Variants in MPP4 observed in about 807,000 individuals in gnomAD.
The protein encoded by MPP4 is MAGUK p55 subfamily member 4.
In MPP4, 91 loss-of-function variants were observed where a neutral mutation model predicts 98.3. That is an observed-to-expected ratio of 0.93 (90% CI 0.78 to 1.10). MPP4 has a LOEUF of 1.10. Ranked by LOEUF, MPP4 falls within the 50% of genes least tolerant of loss-of-function variation. MPP4 has a pLI of 0.00. For synonymous variants in MPP4, 261 were observed against 271.8 expected (o/e 0.96, Z 0.39); for missense variants, 744 against 792.9 (o/e 0.94, Z 0.74).
Position 201,694,072 on chromosome 2 carries a change from T to C in MPP4, c.-100-18A>G, listed in dbSNP as rs1689110100. ...TCAGCACACTGGAATATATTTTCAA[T>C]AGCATTTCCTCAGCAAGCCAGGCCC... On this transcript the variant is annotated intron_variant, in intron 1 of 21. Transcript: ENST00000409474. 3.1e-6 allele frequency: 5 copies of C among 1,594,704 alleles called. No individual in the cohort carries two copies. The highest frequency in any genetic ancestry group is 1.7e-5 in the Admixed American group (1 of 59,234).
intron 17 of MPP4, among the ~76,000 whole-genome samples, chr2:201,655,367 G>A (rs1336237974): frequency 1.3e-5 from 2 of 152,174 alleles, no homozygotes; most frequent in African/African-American, 4.8e-5. Flanking sequence ...CCCCATGTCC[G>A]GCCGGAGGCA....
chr2:201,689,880 T>C (rs1312926871), intron 4 of MPP4, among the ~76,000 whole-genome samples: 1 of 152,108 alleles, frequency 6.6e-6, no homozygotes, highest in Non-Finnish European at 1.5e-5. Context: ...TAGGGAAATC[T>C]CCAGGCTAGA....
intron 20 of MPP4, among the ~76,000 whole-genome samples, chr2:201,648,321 T>C (rs903682660): frequency 1.2e-4 from 18 of 152,214 alleles, no homozygotes; most frequent in African/African-American, 4.3e-4. Context: ...CTGATCTAAA[T>C]GCACATTTAA....
At chr2:201,658,557 G>T (rs574983375) in intron 15 of MPP4, 39 bp from the exon 16 acceptor site, 2 of 1,573,846 alleles carry the variant, frequency 1.3e-6, no homozygotes, top group South Asian at 2.3e-5. Context: ...ATATGTGAGA[G>T]CGAGAAGTTT....
At chr2:201,652,000 G>A in intron 18 of MPP4, 1 of 971,216 alleles carries the variant, frequency 1.0e-6, no homozygotes, top group Non-Finnish European at 1.2e-6. Context: ...AAAGGAAAAT[G>A]TTGATTTCTT....
intron 13 of MPP4, 89 bp downstream of exon 13, chr2:201,666,245 G>A: frequency 9.2e-7 from 1 of 1,086,150 alleles, no homozygotes. Context: ...AAGGCCCATG[G>A]CCCCTTTGGA....
chr2:201,660,307 A>AT, intron 15 of MPP4, 25 bp downstream of exon 15: 1 of 1,592,520 alleles, frequency 6.3e-7, no homozygotes, highest in Non-Finnish European at 8.6e-7. Context: ...TCTATTTGGT[A>AT]TATCTAGGAA....
intron 13 of MPP4, among the ~76,000 whole-genome samples, chr2:201,664,563 C>T (rs1353944269): frequency 6.6e-6 from 1 of 152,076 alleles, no homozygotes; most frequent in Non-Finnish European, 1.5e-5. Context: ...GACTTGATTA[C>T]GTAGGCTTGA....
At chr2:201,674,630 G>A (rs576934066) in intron 11 of MPP4, among the ~76,000 whole-genome samples, 3 of 152,272 alleles carry the variant, frequency 2.0e-5, no homozygotes, top group South Asian at 4.2e-4. Context: ...TCCAGGGTTC[G>A]CTTTGAGAGA....
chr2:201,680,508 G>A lies in MPP4; in HGVS notation c.929+330C>T, dbSNP rs78120244. The stretch of plus-strand genomic sequence containing the variant: ...GACCTAACCACCTGCTAAAGGCCCC[G>A]CCTCTTAATACTATTGCATTGGGGA... On this transcript the variant is annotated intron_variant, in intron 10 of 21. Transcript: ENST00000409474. 711 of 199,656 alleles carry A rather than the reference G, an allele frequency of 3.6e-3. 5 individuals carry two copies. Among genetic ancestry groups the A allele is most frequent in the African/African-American group, 0.015 (665 of 43,496 alleles). 12.4% of individuals were successfully genotyped at this position (199,656 alleles called of 1,614,324 possible). A position where few individuals can be genotyped will look rare whatever the true frequency, so the allele number is the denominator to read the frequency against.
Position 201,698,628 on chromosome 2 carries a change from A to C in MPP4, c.-142T>G. 1 of 1,302,628 alleles carries C rather than the reference A, an allele frequency of 7.7e-7. No individual in the cohort carries two copies. The highest frequency in any genetic ancestry group is 1.0e-6 in the Non-Finnish European group (1 of 988,438). The allele number at this position is 1,302,628 out of a possible 1,614,324, so 80.7% of individuals were successfully genotyped here. A position where few individuals can be genotyped will look rare whatever the true frequency, so the allele number is the denominator to read the frequency against. On this transcript the variant is annotated 5_prime_UTR_variant, in exon 1 of 22. Transcript: ENST00000409474. ...ATGCATGTTGCTCCTATCCAGACAA[A>C]AGCTTTAGTAGGATACTAGTGGCCT... is the stretch of plus-strand genomic sequence containing the variant.
chr2:201,656,540 C>G (rs1687853436), intron 16 of MPP4, among the ~76,000 whole-genome samples, 172 bp from the exon 17 acceptor site: 1 of 152,152 alleles, frequency 6.6e-6, no homozygotes, highest in African/African-American at 2.4e-5. Context: ...GAAAATGCCC[C>G]CTGTGCTAGC....
chr2:201,677,271 T>C (rs1688530737), intron 10 of MPP4, among the ~76,000 whole-genome samples: 1 of 152,150 alleles, frequency 6.6e-6, no homozygotes, highest in African/African-American at 2.4e-5. Flanking sequence ...TCTTCACATG[T>C]TCCCTCTGGG....
At chr2:201,695,135 A>T (rs886108367) in intron 1 of MPP4, among the ~76,000 whole-genome samples, 1 of 152,134 alleles carries the variant, frequency 6.6e-6, no homozygotes, top group Non-Finnish European at 1.5e-5. Flanking sequence ...TGCTCCACGA[A>T]GTCCTCAGGG....
intron 12 of MPP4, among the ~76,000 whole-genome samples, chr2:201,667,901 TG>T (rs1688228666): frequency 3.9e-5 from 6 of 152,142 alleles, no homozygotes; most frequent in African/African-American, 1.4e-4. Flanking sequence ...GATAAACGAG[TG>T]GCATGGTTGA....
At chr2:201,671,173 T>C (rs939250246) in intron 11 of MPP4, among the ~76,000 whole-genome samples, 1 of 151,516 alleles carries the variant, frequency 6.6e-6, no homozygotes, top group Non-Finnish European at 1.5e-5. Flanking sequence ...AGTTTGTTTG[T>C]TTTTTTTCAT....
At position 201,685,122 on chromosome 2, in the gene MPP4, C is replaced by T. The variant is rs1688783950; in HGVS notation, c.516G>A (p.Glu172=). Residue 172 remains glutamate (E), a synonymous_variant, in exon 7 of 22, where the codon GAG becomes GAA. Coordinates refer to ENST00000409474, the MANE Select transcript of MPP4 (RefSeq NM_033066.3). ...TGGCCACCAAGATGTCCCCTGTCAT[C>T]TCGTGGCGCTTGATGGTGGCTCCCT... is the stretch of plus-strand genomic sequence containing the variant. ...QPLGATIKRH[E]MTGDILVARI... 1 of 1,611,350 alleles carries T rather than the reference C, an allele frequency of 6.2e-7. No homozygotes were observed. Among genetic ancestry groups the T allele is most frequent in the Admixed American group, 1.7e-5 (1 of 59,758 alleles).
intron 15 of MPP4, among the ~76,000 whole-genome samples, chr2:201,659,021 G>A (rs909060291): frequency 6.6e-6 from 1 of 151,840 alleles, no homozygotes; most frequent in East Asian, 1.9e-4. Flanking sequence ...TCAGCCTCCC[G>A]AGTTGCTGGG....
intron 7 of MPP4, among the ~76,000 whole-genome samples, chr2:201,684,575 T>C (rs542293448): frequency 6.6e-6 from 1 of 152,294 alleles, no homozygotes; most frequent in Admixed American, 6.5e-5. Context: ...GAGTAAGATT[T>C]CTCTGGAATA....
Sources: allele counts gnomAD v4.1 joint callset (sites outside exome capture counted in the v4.1 genomes callset), GRCh38; gene constraint gnomAD v4.1.1; transcripts MANE v1.5; gene names NCBI Gene and HGNC (gene_info 2026-07-23, HGNC 2026-07-21).